The following ZNF708 variants were observed in gnomAD, a reference collection of about 807,000 sequenced individuals.
The protein encoded by ZNF708 is zinc finger protein 708.
In ZNF708, 44 loss-of-function variants were observed where a neutral mutation model predicts 47.0. That is an observed-to-expected ratio of 0.94 (90% CI 0.74 to 1.20). The LOEUF (loss-of-function observed/expected upper bound fraction) is 1.20. Among genes scored for constraint, ZNF708 ranks in the 50% most tolerant of loss-of-function variants. ZNF708 has a pLI of 0.00. For synonymous variants in ZNF708, 184 were observed against 218.5 expected, an observed-to-expected ratio of 0.84 and a Z score of 1.39; for missense variants, 557 against 656.0, an observed-to-expected ratio of 0.85 and a Z score of 1.65.
chr19:21,303,261 T>G (rs2145159130), intron 3 of ZNF708, among the ~76,000 whole-genome samples: 1 of 152,190 alleles, frequency 6.6e-6, no homozygotes, highest in Non-Finnish European at 1.5e-5. Context: ...CAAAACTGAA[T>G]GAATAAATAG....
chr19:21,307,554 G>A (rs1318755476), intron 3 of ZNF708, among the ~76,000 whole-genome samples: 2 of 152,050 alleles, frequency 1.3e-5, no homozygotes, highest in African/African-American at 2.4e-5. Context: ...CCCGGGAGGC[G>A]GAGGTTGCAG....
chr19:21,298,503 C>A (rs143364662), intron 3 of ZNF708, among the ~76,000 whole-genome samples: 7 of 139,058 alleles, frequency 5.0e-5, no homozygotes, highest in African/African-American at 1.3e-4. Context: ...AATGTAATGT[C>A]TTTCAAATTT....
Position 21,296,849 on chromosome 19 carries a change from G to C in ZNF708, c.227-2110C>G, listed in dbSNP as rs541436177. 2.0e-5 allele frequency among the ~76,000 whole-genome samples: 3 copies of C among 151,984 alleles called. No homozygotes were observed. In the South Asian group the frequency reaches 6.2e-4, roughly 32 times the overall value. ...AATGTAACATAAAAATAAATAATTA[G>C]TGGCCAGGCACAGTGGCTCATGCCT... On this transcript the variant is annotated intron_variant, in intron 3 of 3. Coordinates refer to ENST00000356929, the MANE Select transcript of ZNF708 (RefSeq NM_021269.3).
At chr19:21,303,094 T>A (rs1378825234) in intron 3 of ZNF708, among the ~76,000 whole-genome samples, 2 of 151,720 alleles carry the variant, frequency 1.3e-5, no homozygotes, top group African/African-American at 4.8e-5. Flanking sequence ...CAAAAAAAAA[T>A]ACAACAAAAC....
chr19:21,295,870 C>A (rs1329322309), intron 3 of ZNF708, among the ~76,000 whole-genome samples: 1 of 151,600 alleles, frequency 6.6e-6, no homozygotes, highest in African/African-American at 2.4e-5. Flanking sequence ...CAGAAAGCAA[C>A]CATAGGAATA....
At chr19:21,296,876 T>C (rs1007337228) in intron 3 of ZNF708, among the ~76,000 whole-genome samples, 2 of 152,012 alleles carry the variant, frequency 1.3e-5, no homozygotes, top group Non-Finnish European at 2.9e-5. Context: ...CTCATGCCTG[T>C]AATCCCAGCA....
chr19:21,322,396 G>A (rs1444981799), intron 1 of ZNF708, among the ~76,000 whole-genome samples: 3 of 151,828 alleles, frequency 2.0e-5, no homozygotes, highest in African/African-American at 7.3e-5. Context: ...CTGCCTCCCG[G>A]GTTCAAGTGA....
Position 21,309,409 on chromosome 19 carries a change from T to A in ZNF708, c.131-68A>T, listed in dbSNP as rs1002528739. ...TCCAATTACCAACCTAGTAATTTTC[T>A]CAGTAAAGAGAATGTAGGCCAGGCA... is the stretch of plus-strand genomic sequence containing the variant. On this transcript the variant is annotated intron_variant, in intron 2 of 3. Transcript: ENST00000356929. 3 of 1,410,252 alleles carry A rather than the reference T, an allele frequency of 2.1e-6. No individual in the cohort carries two copies. The Admixed American group carries it at 6.3e-5, about 30-fold the overall frequency. The allele number at this position is 1,410,252 out of a possible 1,614,324, so 87.4% of individuals were successfully genotyped here. A position where few individuals can be genotyped will look rare whatever the true frequency, so the allele number is the denominator to read the frequency against.
Position 21,293,537 on chromosome 19 carries a change from TATA to T in ZNF708, c.1426_1428del (p.Tyr476del). 1 of 1,613,364 alleles carries T rather than the reference TATA, an allele frequency of 6.2e-7. No individual in the cohort carries two copies. Among genetic ancestry groups the T allele is most frequent in the Non-Finnish European group, 8.5e-7 (1 of 1,179,770 alleles). On this transcript the variant is annotated inframe_deletion, in exon 4 of 4. Coordinates refer to ENST00000356929, the MANE Select transcript of ZNF708 (RefSeq NM_021269.3). ...AAGCTTTTGCCACATTCTTCACACT[TATA>T]GGGTTTCTCTCCAGTATGAATTTTT...
rs373119737 is a variant in ZNF708, at chr19:21,310,501, C to G, written c.130G>C (p.Gly44Arg). ...TAAAAAAAAAAAAACTTATCCTCAC[C>G]CAGGAATACCAGGTTTCTATAATTC... is the stretch of plus-strand genomic sequence containing the variant. ...LENYRNLVFL[G>R]IAVSNLDLIT... is the part of the protein sequence containing the mutation. The change falls in exon 2 of 4, where the codon GGT becomes CGT. Residue 44 changes from glycine to arginine, a missense_variant and splice_region_variant. By Grantham distance (125) the Gly-to-Arg change is moderately radical (BLOSUM62 -2). Transcript: ENST00000356929. The G allele has an allele frequency of 1.4e-6, 2 of 1,389,396 alleles. No homozygotes were observed. The highest frequency in any genetic ancestry group is 2.0e-5 in the South Asian group (1 of 48,844). The allele number at this position is 1,389,396 out of a possible 1,614,324, so 86.1% of individuals were successfully genotyped here.
At chr19:21,299,068 T>C (rs1972601529) in intron 3 of ZNF708, among the ~76,000 whole-genome samples, 1 of 152,194 alleles carries the variant, frequency 6.6e-6, no homozygotes, top group South Asian at 2.1e-4. Context: ...TAATGTATAT[T>C]AAGATTTAGC....
Position 21,294,586 on chromosome 19 carries a change from C to T in ZNF708, c.380G>A (p.Gly127Glu). The T allele has an allele frequency of 6.2e-7, 1 of 1,614,114 alleles. No individual in the cohort carries two copies. The highest frequency in any genetic ancestry group is 8.5e-7 in the Non-Finnish European group (1 of 1,179,998). Residue 127 changes from glycine to glutamate, a missense_variant, in exon 4 of 4, where the codon GGA becomes GAA. Transcript: ENST00000356929. The stretch of plus-strand genomic sequence containing the variant: ...GGTAGTTGTCACACACCGGTTAAGT[C>T]CCTTGTGACCTCCTTTGTGCAACTT... ...EHKLHKGGHKGLNRCVTTTQS... is the reference protein window; with the variant it reads ...EHKLHKGGHKELNRCVTTTQS...
intron 1 of ZNF708, 54 bp downstream of exon 1, chr19:21,329,156 C>G (rs1973323157): frequency 6.2e-7 from 1 of 1,609,822 alleles, no homozygotes; most frequent in East Asian, 2.2e-5. Flanking sequence ...AGCCACTTCC[C>G]ACAGGTTTCA....
chr19:21,322,419 A>G (rs1973169127), intron 1 of ZNF708, among the ~76,000 whole-genome samples: 1 of 151,206 alleles, frequency 6.6e-6, no homozygotes, highest in East Asian at 1.9e-4. Context: ...CTCCTTCCTC[A>G]GCCTCCTGAA....
intron 3 of ZNF708, among the ~76,000 whole-genome samples, chr19:21,298,852 G>C (rs141997262): frequency 6.6e-6 from 1 of 152,126 alleles, no homozygotes; most frequent in African/African-American, 2.4e-5. Flanking sequence ...AATATAATTT[G>C]AAATATAAAA....
chr19:21,309,279 T>A lies in ZNF708; in HGVS notation c.193A>T (p.Met65Leu). 1 of 1,605,272 alleles carries A rather than the reference T, an allele frequency of 6.2e-7. No homozygotes were observed. Among genetic ancestry groups the A allele is most frequent in the Non-Finnish European group, 8.5e-7 (1 of 1,175,064 alleles). Reference protein sequence around the residue: ...CLEQGKEPWNMKRHEMAAKPP... With the variant: ...CLEQGKEPWNLKRHEMAAKPP... ...TTGGCTGCCATCTCGTGTCTCTTCA[T>A]ATTCCAGGGCTCTTTTCCTTGCTCC... The change falls in exon 3 of 4, where the codon ATG becomes TTG. Residue 65 changes from methionine to leucine, a missense_variant. Met to Leu is a conservative substitution (Grantham distance 15). Transcript: ENST00000356929.
intron 2 of ZNF708, 56 bp from the exon 3 acceptor site, chr19:21,309,397 C>A: frequency 1.4e-6 from 2 of 1,446,834 alleles, no homozygotes; most frequent in Non-Finnish European, 1.9e-6. Flanking sequence ...AATTACCAAC[C>A]TAGTAATTTT....
At chr19:21,328,607 C>T (rs527941129) in intron 1 of ZNF708, among the ~76,000 whole-genome samples, 1 of 152,186 alleles carries the variant, frequency 6.6e-6, no homozygotes. Context: ...AGGCTCTAGT[C>T]CCCGGCTTTC....
rs539706374 is a variant in ZNF708, at chr19:21,293,469, A to G, written c.1497T>C (p.Thr499=). ...SHLTTHKIIH[T]GEKPYKCKEC... ...CTTTACATTTGTAGGGTTTCTCTCC[A>G]GTATGAATTATCTTATGTGTAGTAA... is the stretch of plus-strand genomic sequence containing the variant. Residue 499 remains threonine, a synonymous_variant, in exon 4 of 4, where the codon ACT becomes ACC. Coordinates refer to ENST00000356929, the MANE Select transcript of ZNF708 (RefSeq NM_021269.3). 1.9e-5 allele frequency: 30 copies of G among 1,613,722 alleles called. No individual in the cohort carries two copies. In the South Asian group the frequency reaches 2.6e-4, roughly 14 times the overall value.
Sources: gnomAD v4.1 joint callset for allele counts (sites outside exome capture counted in the v4.1 genomes callset) on GRCh38, gnomAD v4.1.1 for gene constraint, MANE v1.5 for transcripts, NCBI Gene and HGNC (gene_info 2026-07-23, HGNC 2026-07-21) for gene names.